The following PAX1 variants were observed in gnomAD, a reference collection of about 807,000 sequenced individuals.
The protein encoded by PAX1 is paired box 1.
In PAX1, 18 loss-of-function variants were observed where a neutral mutation model predicts 35.6. The observed-to-expected ratio is 0.50, with a 90% CI of 0.35 to 0.75. PAX1 has a LOEUF of 0.75. Ranked by LOEUF, PAX1 falls within the 30% of genes least tolerant of loss-of-function variation. The pLI, the probability that PAX1 is intolerant of heterozygous loss-of-function variation, is 0.01. For synonymous variants in PAX1, 397 were observed against 305.2 expected (o/e 1.30, Z -3.14); for missense variants, 760 against 661.5 (o/e 1.15, Z -1.63).
In PAX1 at chr20:21,709,271, A is replaced by T; in HGVS notation, c.1109A>T (p.Tyr370Phe). ...GGCGGCTTTCTCCCCGCCTGCGCCT[A>T]CCCGGCCTCCAACCAGCACGGCGTG... ...AVGGFLPACA[Y>F]PASNQHGVYS... Residue 370 changes from tyrosine (Y) to phenylalanine (F), a missense_variant, in exon 4 of 5, where the codon TAC becomes TTC. Physicochemically the swap from Tyr to Phe is conservative, Grantham distance 22. Transcript: ENST00000613128. 6.2e-7 allele frequency: 1 copy of T among 1,605,384 alleles called. No homozygotes were observed.
chr20:21,707,037 C>T lies in PAX1; in HGVS notation c.886C>T (p.Leu296=). 1 of 1,613,110 alleles carries T rather than the reference C, an allele frequency of 6.2e-7. No homozygotes were observed. Among genetic ancestry groups the T allele is most frequent in the African/African-American group, 1.3e-5 (1 of 75,080 alleles). ...CTCGGCACACTCGGTCAGCAACATCCTGGGCATCCGGACGTTTATGGAGCA... is the reference window on the plus strand; with the variant it reads ...CTCGGCACACTCGGTCAGCAACATCTTGGGCATCCGGACGTTTATGGAGCA... The part of the protein sequence containing the change: ...WPSAHSVSNI[L]GIRTFMEQTG... Residue 296 remains leucine, a synonymous_variant, in exon 2 of 5, where the codon CTG becomes TTG. Transcript: ENST00000613128.
chr20:21,705,955 C>A lies in PAX1; in HGVS notation c.243C>A (p.Pro81=), dbSNP rs1418536762. The A allele has an allele frequency of 6.7e-7, 1 of 1,487,966 alleles. No individual in the cohort carries two copies. The allele number at this position is 1,487,966 out of a possible 1,614,324, so 92.2% of individuals were successfully genotyped here. Residue 81 remains proline, a synonymous_variant, in exon 1 of 5, where the codon CCC becomes CCA. Coordinates refer to ENST00000613128, the MANE Select transcript of PAX1 (RefSeq NM_001257096.2). ...GCGCCGGGCCCAGCCCCGGCCACCC[C>A]GGCCACCCCGGCGCCAGGCAGCTGG... ...PDCAGPSPGH[P]GHPGARQLAG... is the part of the protein sequence containing the mutation.
At chr20:21,713,378 T>TGTG (rs770998874) in intron 4 of PAX1, among the ~76,000 whole-genome samples, 7,017 of 137,982 alleles carry the variant, frequency 0.051, 241 homozygotes, top group East Asian at 0.1. Context: ...GTTTTCTTTT[T>TGTG]TTTTTGTGTG....
In PAX1 at chr20:21,708,637, C is replaced by A; in HGVS notation, c.996C>A (p.Pro332=). 6.2e-7 allele frequency: 1 copy of A among 1,613,612 alleles called. No homozygotes were observed. The highest frequency in any genetic ancestry group is 8.5e-7 in the Non-Finnish European group (1 of 1,180,012). ...CCGGCGTGAACCGCACGGCCTTCCC[C>A]GCCACCCCCGCAGTGAATGGGCTAG... ...DWAGVNRTAF[P]ATPAVNGLEK... The change falls in exon 3 of 5, where the codon CCC becomes CCA. Residue 332 remains proline (P), a synonymous_variant. Transcript: ENST00000613128.
rs755790020 is a variant in PAX1 at position 21,706,757 on chromosome 20, C to G, written c.606C>G (p.Ala202=). 6.8e-6 allele frequency: 11 copies of G among 1,613,300 alleles called. No homozygotes were observed. In the South Asian group the frequency reaches 9.9e-5, roughly 14 times the overall value. Residue 202 remains alanine, a synonymous_variant, in exon 2 of 5, where the codon GCC becomes GCG. Coordinates refer to ENST00000613128, the MANE Select transcript of PAX1 (RefSeq NM_001257096.2). The surrounding 1 kb of genome is among the most constrained non-coding windows in gnomAD (Gnocchi z 5.3). ...GGGAGATCCGCGACCGGCTGCTGGC[C>G]GACGGCGTCTGTGACAAGTACAATG... ...FAWEIRDRLL[A]DGVCDKYNVP... is the part of the protein sequence containing the mutation.
rs1415574372 is a variant in PAX1 at position 21,708,638 on chromosome 20, G to A, written c.997G>A (p.Ala333Thr). Residue 333 changes from alanine to threonine, a missense_variant, in exon 3 of 5, where the codon GCC becomes ACC. By Grantham distance (58) the Ala-to-Thr change is moderately conservative (BLOSUM62 0). This residue lies in a region of PAX1 where 490 missense variants were observed against 428.4 expected (regional missense o/e 1.14). Coordinates refer to ENST00000613128, the MANE Select transcript of PAX1 (RefSeq NM_001257096.2). ...WAGVNRTAFP[A>T]TPAVNGLEKP... Reference sequence around the variant, plus strand: ...CGGCGTGAACCGCACGGCCTTCCCCGCCACCCCCGCAGTGAATGGGCTAGA... The same window carrying A: ...CGGCGTGAACCGCACGGCCTTCCCCACCACCCCCGCAGTGAATGGGCTAGA... The A allele has an allele frequency of 1.9e-6, 3 of 1,613,604 alleles. No homozygotes were observed. The Admixed American group carries it at 5.0e-5, about 27-fold the overall frequency.
chr20:21,709,093 C>T (rs754641116), intron 3 of PAX1, 129 bp from the exon 4 acceptor site: 215 of 802,850 alleles, frequency 2.7e-4, no homozygotes, highest in Non-Finnish European at 4.0e-4. Flanking sequence ...GGCCAGGCCT[C>T]GCATGGGGAT....
rs1985408169 is a variant in PAX1, at chr20:21,717,396, G to A, written c.*2834G>A. On this transcript the variant is annotated 3_prime_UTR_variant, in exon 5 of 5. Coordinates refer to ENST00000613128, the MANE Select transcript of PAX1 (RefSeq NM_001257096.2). ...TAGCCTTCAATGCAGTAACGCGCAC[G>A]GTGACCTGGCCTGTAGGAAGACTGC... is the stretch of plus-strand genomic sequence containing the variant. 6.6e-6 allele frequency: 1 copy of A among 152,262 alleles called. No individual in the cohort carries two copies. The highest frequency in any genetic ancestry group is 1.5e-5 in the Non-Finnish European group (1 of 68,072). The allele number at this position is 152,262 out of a possible 1,614,324, so 9.4% of individuals were successfully genotyped here. A position where few individuals can be genotyped will look rare whatever the true frequency, so the allele number is the denominator to read the frequency against.
In PAX1 at chr20:21,714,981, C is replaced by T. The variant is rs563370915; in HGVS notation, c.*419C>T. 2.5e-5 allele frequency: 17 copies of T among 681,354 alleles called. No individual in the cohort carries two copies. The highest frequency in any genetic ancestry group is 3.9e-5 in the Non-Finnish European group (15 of 384,492). 42.2% of individuals were successfully genotyped at this position (681,354 alleles called of 1,614,324 possible). ...CCTTTCTCTTTCCCTTCCTCCCTAC[C>T]TTCCACCCCGGCTTTCCCCGACCTT... On this transcript the variant is annotated 3_prime_UTR_variant, in exon 5 of 5. Transcript: ENST00000613128.
rs1415582572 is a variant in PAX1 at position 21,706,267 on chromosome 20, C to A, written c.287-171C>A. ...CGCGGCTCCTCTGCGCCCTTGCCCACTCCAAGCCAGACCCAGGCGGTTTGC... is the reference window on the plus strand; with the variant it reads ...CGCGGCTCCTCTGCGCCCTTGCCCAATCCAAGCCAGACCCAGGCGGTTTGC... On this transcript the variant is annotated intron_variant, in intron 1 of 4. Transcript: ENST00000613128. This position sits in a 1 kb window ranked among gnomAD's most constrained non-coding sequence, Gnocchi z 5.3. 4.2e-6 allele frequency: 4 copies of A among 949,454 alleles called. No homozygotes were observed. In the Admixed American group the frequency reaches 7.8e-5, roughly 19 times the overall value. 58.8% of individuals were successfully genotyped at this position (949,454 alleles called of 1,614,324 possible).
chr20:21,706,844 C>A lies in PAX1; in HGVS notation c.693C>A (p.Pro231=), dbSNP rs760119600. The change falls in exon 2 of 5, where the codon CCC becomes CCA. Residue 231 remains proline, a synonymous_variant. Coordinates refer to ENST00000613128, the MANE Select transcript of PAX1 (RefSeq NM_001257096.2). The surrounding 1 kb of genome is among the most constrained non-coding windows in gnomAD (Gnocchi z 5.3). ...LRNKIGSLAQ[P]GPYEASKQPP... is the part of the protein sequence containing the mutation. ...ACAAGATCGGCAGCCTGGCGCAGCC[C>A]GGACCGTACGAGGCAAGTAAGCAGC... is the stretch of plus-strand genomic sequence containing the variant. 1.4e-5 allele frequency: 22 copies of A among 1,613,260 alleles called. No homozygotes were observed. The highest frequency in any genetic ancestry group is 1.9e-5 in the Non-Finnish European group (22 of 1,180,026).
intron 4 of PAX1, among the ~76,000 whole-genome samples, chr20:21,712,926 C>T (rs1985241224): frequency 6.6e-6 from 1 of 152,090 alleles, no homozygotes; most frequent in Non-Finnish European, 1.5e-5. Flanking sequence ...CATTCTTAGC[C>T]CCTGAATTAA....
intron 4 of PAX1, among the ~76,000 whole-genome samples, chr20:21,712,235 AT>A (rs1985219018): frequency 6.6e-6 from 1 of 152,218 alleles, no homozygotes; most frequent in South Asian, 2.1e-4. Flanking sequence ...TAATTGATTA[AT>A]TGTGTTATTT....
chr20:21,713,955 C>T (rs1341460392), intron 4 of PAX1, among the ~76,000 whole-genome samples: 1 of 152,244 alleles, frequency 6.6e-6, no homozygotes, highest in African/African-American at 2.4e-5. Context: ...GCTCATTTCC[C>T]GCAAGATTTC....
At chr20:21,713,378 T>TGTGTGTGTGTGTGTGTGTGTGTGTGTGTG (rs770998874) in intron 4 of PAX1, among the ~76,000 whole-genome samples, 1 of 137,954 alleles carries the variant, frequency 7.2e-6, no homozygotes, top group African/African-American at 2.8e-5. Flanking sequence ...GTTTTCTTTT[T>TGTGTGTGTGTGTGTGTGTGTGTGTGTGTG]TTTTTGTGTG....
chr20:21,714,894 C>A lies in PAX1; in HGVS notation c.*332C>A. ...TCTTTTTTGTCACTCCCTTGTCCGT[C>A]TCCGTCTCGCCTCTCTCCCTGTTTC... On this transcript the variant is annotated 3_prime_UTR_variant, in exon 5 of 5. Transcript: ENST00000613128. 1 of 1,000,260 alleles carries A rather than the reference C, an allele frequency of 1.0e-6. No individual in the cohort carries two copies. Among genetic ancestry groups the A allele is most frequent in the Non-Finnish European group, 1.5e-6 (1 of 650,216 alleles). The allele number at this position is 1,000,260 out of a possible 1,614,324, so 62.0% of individuals were successfully genotyped here. A position where few individuals can be genotyped will look rare whatever the true frequency, so the allele number is the denominator to read the frequency against.
chr20:21,706,614 A>C lies in PAX1; in HGVS notation c.463A>C (p.Asn155His), dbSNP rs1255195839. The C allele has an allele frequency of 6.2e-7, 1 of 1,612,114 alleles. No individual in the cohort carries two copies. Among genetic ancestry groups the C allele is most frequent in the African/African-American group, 1.3e-5 (1 of 74,920 alleles). Residue 155 changes from asparagine (N) to histidine (H), a missense_variant, in exon 2 of 5, where the codon AAC becomes CAC. This residue lies in a region of PAX1 where 490 missense variants were observed against 428.4 expected (regional missense o/e 1.14). Transcript: ENST00000613128. The surrounding 1 kb of genome is among the most constrained non-coding windows in gnomAD (Gnocchi z 5.3). Reference sequence around the variant, plus strand: ...CGTGAGCAAGATCCTGGCGCGCTACAACGAGACCGGCTCCATTCTGCCCGG... The same window carrying C: ...CGTGAGCAAGATCCTGGCGCGCTACCACGAGACCGGCTCCATTCTGCCCGG... ...GCVSKILARYNETGSILPGAI... is the reference protein window; with the variant it reads ...GCVSKILARYHETGSILPGAI...
rs562634726 is a variant in PAX1, at chr20:21,715,697, A to G, written c.*1135A>G. ...GGGGTCAGCACATTTGTTAATTTAA[A>G]CCACAGACTGCTTCCAGGTACAAAG... On this transcript the variant is annotated 3_prime_UTR_variant, in exon 5 of 5. Coordinates refer to ENST00000613128, the MANE Select transcript of PAX1 (RefSeq NM_001257096.2). 5.9e-5 allele frequency: 9 copies of G among 152,360 alleles called. No homozygotes were observed. Among genetic ancestry groups the G allele is most frequent in the Admixed American group, 3.9e-4 (6 of 15,290 alleles). 9.4% of individuals were successfully genotyped at this position (152,360 alleles called of 1,614,324 possible).
rs1179366967 is a variant in PAX1, at chr20:21,715,073, C to T, written c.*511C>T. 1 of 571,390 alleles carries T rather than the reference C, an allele frequency of 1.8e-6. No individual in the cohort carries two copies. Among genetic ancestry groups the T allele is most frequent in the Non-Finnish European group, 3.1e-6 (1 of 321,048 alleles). 35.4% of individuals were successfully genotyped at this position (571,390 alleles called of 1,614,324 possible). ...GACCTCTGCTCCAGTCCCGCTTCTT[C>T]CCCCGTCTCCTCTTTCTAGTCCTCT... is the stretch of plus-strand genomic sequence containing the variant. On this transcript the variant is annotated 3_prime_UTR_variant, in exon 5 of 5. Transcript: ENST00000613128.
Sources: gnomAD v4.1 joint callset for allele counts (sites outside exome capture counted in the v4.1 genomes callset) on GRCh38, gnomAD v4.1.1 for gene constraint, gnomAD v4.1.1 regional missense constraint, Gnocchi (gnomAD v3.1) non-coding constraint, MANE v1.5 for transcripts, NCBI Gene and HGNC (gene_info 2026-07-23, HGNC 2026-07-21) for gene names.